The following FRMD4A variants were observed in gnomAD, a reference collection of about 807,000 sequenced individuals.
The protein encoded by FRMD4A is FERM domain-containing protein 4A.
In FRMD4A, 29 loss-of-function variants were observed where a neutral mutation model predicts 129.1. The observed-to-expected ratio is 0.22, with a 90% CI of 0.17 to 0.31. The LOEUF (loss-of-function observed/expected upper bound fraction) is 0.31, where lower values mean the gene tolerates loss of function less well. Among genes scored for constraint, FRMD4A ranks in the 10% least tolerant of loss-of-function variants. FRMD4A has a pLI of 1.00. For missense variants in FRMD4A, 1,272 were observed against 1,375.8 expected (o/e 0.92, Z 1.19); for synonymous variants, 634 against 571.6 (o/e 1.11, Z -1.56).
At chr10:13,941,734 C>T (rs1481274782) in intron 2 of FRMD4A, among the ~76,000 whole-genome samples, 1 of 152,216 alleles carries the variant, frequency 6.6e-6, no homozygotes, top group East Asian at 1.9e-4. Context: ...ACATGGCTGG[C>T]ATTTTGCTAA....
At chr10:14,261,524 T>TG (rs1359776964) in intron 2 of FRMD4A, among the ~76,000 whole-genome samples, 1 of 152,138 alleles carries the variant, frequency 6.6e-6, no homozygotes, top group Non-Finnish European at 1.5e-5. Context: ...ATGAAACAGC[T>TG]CTCAGAGAAG....
chr10:14,207,366 T>C (rs1224658423), intron 2 of FRMD4A, among the ~76,000 whole-genome samples: 1 of 152,132 alleles, frequency 6.6e-6, no homozygotes, highest in Admixed American at 6.5e-5. Context: ...TTAATTTCTG[T>C]TATTATTACA....
chr10:14,222,162 A>C (rs987303510), intron 2 of FRMD4A, among the ~76,000 whole-genome samples: 4 of 152,222 alleles, frequency 2.6e-5, no homozygotes, highest in African/African-American at 9.6e-5. Context: ...TCAATCTGGC[A>C]TGGAAAAATA....
chr10:13,990,901 G>C (rs2095600959), intron 2 of FRMD4A, among the ~76,000 whole-genome samples: 1 of 152,130 alleles, frequency 6.6e-6, no homozygotes, highest in Admixed American at 6.5e-5. Flanking sequence ...AGTAATGATG[G>C]TTCTTGAAAA....
Position 13,858,801 on chromosome 10 carries a change from C to T in FRMD4A, c.111+46G>A, listed in dbSNP as rs200180335. 7.2e-5 allele frequency: 77 copies of T among 1,075,484 alleles called. No individual in the cohort carries two copies. The Admixed American group carries it at 1.3e-3, about 18-fold the overall frequency. 66.6% of individuals were successfully genotyped at this position (1,075,484 alleles called of 1,614,324 possible). A position where few individuals can be genotyped will look rare whatever the true frequency, so the allele number is the denominator to read the frequency against. ...CCAGCTGGATCAAGGTCTGAAACCA[C>T]ATCAGTCACCAAAGAAACTCAGAAA... On this transcript the variant is annotated intron_variant, in intron 3 of 24. Coordinates refer to ENST00000357447, the MANE Select transcript of FRMD4A (RefSeq NM_018027.5).
At chr10:14,242,078 A>G (rs1163631726) in intron 2 of FRMD4A, among the ~76,000 whole-genome samples, 2 of 152,214 alleles carry the variant, frequency 1.3e-5, no homozygotes, top group Non-Finnish European at 2.9e-5. Context: ...TACTCGAGGT[A>G]CTTGTACCTA....
chr10:14,096,212 C>A (rs926166927), intron 2 of FRMD4A, among the ~76,000 whole-genome samples: 7 of 152,180 alleles, frequency 4.6e-5, no homozygotes, highest in African/African-American at 1.7e-4. Context: ...CTGGAGGGAA[C>A]CTGTTTGTCC....
At chr10:14,330,318 AAAG>A (rs963437622) in intron 1 of FRMD4A, 135 bp from the exon 2 acceptor site, 16 of 548,354 alleles carry the variant, frequency 2.9e-5, no homozygotes, top group East Asian at 1.2e-4. Context: ...AAAAAAAAAA[AAAG>A]AAGAAGGAAA....
intron 2 of FRMD4A, among the ~76,000 whole-genome samples, chr10:14,236,092 T>C (rs776443859): frequency 2.0e-5 from 3 of 152,214 alleles, no homozygotes; most frequent in African/African-American, 4.8e-5. Context: ...GAGCCTTTCT[T>C]TCCTATTCTT....
intron 2 of FRMD4A, among the ~76,000 whole-genome samples, chr10:14,047,129 A>G (rs1396963889): frequency 1.3e-5 from 2 of 152,232 alleles, no homozygotes; most frequent in African/African-American, 4.8e-5. Flanking sequence ...TGGCAATTCC[A>G]TGAAATAGAT....
At chr10:14,156,284 C>T (rs1840595081) in intron 2 of FRMD4A, among the ~76,000 whole-genome samples, 2 of 152,012 alleles carry the variant, frequency 1.3e-5, no homozygotes, top group Admixed American at 1.3e-4. Flanking sequence ...TGAATTACAA[C>T]AATACACACC....
At chr10:13,915,684 A>G (rs1034894446) in intron 2 of FRMD4A, among the ~76,000 whole-genome samples, 7 of 151,638 alleles carry the variant, frequency 4.6e-5, no homozygotes, top group Non-Finnish European at 1.0e-4. Context: ...AAAAAAAAAA[A>G]AAGTGGGCAG....
intron 2 of FRMD4A, among the ~76,000 whole-genome samples, chr10:13,918,990 G>A (rs1427829939): frequency 6.6e-6 from 1 of 152,078 alleles, no homozygotes; most frequent in Non-Finnish European, 1.5e-5. Flanking sequence ...TCTGTGGTCT[G>A]GTGGCTTCTT....
At chr10:14,267,656 A>G (rs1185595341) in intron 2 of FRMD4A, among the ~76,000 whole-genome samples, 1 of 152,240 alleles carries the variant, frequency 6.6e-6, no homozygotes, top group East Asian at 1.9e-4. Context: ...AAAACTACAA[A>G]TAAGTCTTGG....
chr10:13,705,985 G>A (rs1204107959), intron 13 of FRMD4A, among the ~76,000 whole-genome samples: 1 of 152,174 alleles, frequency 6.6e-6, no homozygotes, highest in Non-Finnish European at 1.5e-5. Flanking sequence ...CTACTGCACA[G>A]GTCCAAGCCC....
At chr10:13,855,772 T>A (rs1054234290) in intron 3 of FRMD4A, among the ~76,000 whole-genome samples, 2 of 152,110 alleles carry the variant, frequency 1.3e-5, no homozygotes, top group African/African-American at 4.8e-5. Context: ...TAGAGGTGGG[T>A]CCAGATGAGC....
chr10:13,825,656 G>A (rs971949012), intron 3 of FRMD4A, among the ~76,000 whole-genome samples: 6 of 152,202 alleles, frequency 3.9e-5, no homozygotes, highest in Admixed American at 3.9e-4. Flanking sequence ...TCTATACAGT[G>A]TGGCAATGCC....
At chr10:14,008,875 A>G (rs1442120182) in intron 2 of FRMD4A, among the ~76,000 whole-genome samples, 1 of 152,244 alleles carries the variant, frequency 6.6e-6, no homozygotes, top group East Asian at 1.9e-4. Flanking sequence ...TACTCACTGT[A>G]TATGTGAATA....
chr10:13,737,837 GC>G lies in FRMD4A; in HGVS notation c.759+6del. On this transcript the variant is annotated splice_donor_region_variant and intron_variant, in intron 12 of 24. Coordinates refer to ENST00000357447, the MANE Select transcript of FRMD4A (RefSeq NM_018027.5). The stretch of plus-strand genomic sequence containing the variant: ...GGAGTTAAACCCAAGCAGGAGACCA[GC>G]CTTACCTTTCTTGGCTTCACTTTAT... The G allele has an allele frequency of 6.6e-7, 1 of 1,525,568 alleles. No individual in the cohort carries two copies. The highest frequency in any genetic ancestry group is 9.1e-7 in the Non-Finnish European group (1 of 1,099,572). 94.5% of individuals were successfully genotyped at this position (1,525,568 alleles called of 1,614,324 possible). A position where few individuals can be genotyped will look rare whatever the true frequency, so the allele number is the denominator to read the frequency against.
Sources: allele counts gnomAD v4.1 joint callset (sites outside exome capture counted in the v4.1 genomes callset), GRCh38; gene constraint gnomAD v4.1.1; transcripts MANE v1.5; gene names NCBI Gene and HGNC (gene_info 2026-07-23, HGNC 2026-07-21).